The following VTCN1 variants were observed in gnomAD, a reference collection of about 807,000 sequenced individuals.
The protein encoded by VTCN1 is V-set domain containing T cell activation inhibitor 1.
A neutral mutation model predicts 26.5 loss-of-function variants in VTCN1; 26 were observed. That is an observed-to-expected ratio of 0.98 (90% CI 0.72 to 1.36). The LOEUF (loss-of-function observed/expected upper bound fraction) is 1.36. VTCN1 is among the 40% of genes most tolerant of loss of function. The pLI is 0.00. For missense variants in VTCN1, 298 were observed against 337.7 expected (o/e 0.88, Z 0.92); for synonymous variants, 116 against 130.7 (o/e 0.89, Z 0.77).
rs531666206 is a variant in VTCN1, at chr1:117,181,547, A to G, written c.33-11376T>C. On this transcript the variant is annotated intron_variant, in intron 1 of 5. Transcript: ENST00000369458. ...CAGGTAATGAGAAGCAGGCCCATCC[A>G]GAGCCTAGCTCAGCTCTGACCTGCC... is the stretch of plus-strand genomic sequence containing the variant. Among the ~76,000 whole-genome samples, 5 of 152,328 alleles carry G rather than the reference A, an allele frequency of 3.3e-5. No homozygotes were observed. The South Asian group carries it at 1.0e-3, about 32-fold the overall frequency.
chr1:117,189,910 C>CAGG (rs1557874829), intron 1 of VTCN1, among the ~76,000 whole-genome samples: 1 of 151,822 alleles, frequency 6.6e-6, no homozygotes, highest in East Asian at 1.9e-4. Flanking sequence ...AGCCCAAGAC[C>CAGG]AAGGTAGGCT....
In VTCN1 at chr1:117,153,356, C is replaced by A; in HGVS notation, c.459G>T (p.Pro153=). The change falls in exon 4 of 6, where the codon CCG becomes CCT. Residue 153 remains proline, a synonymous_variant. Coordinates refer to ENST00000369458, the MANE Select transcript of VTCN1 (RefSeq NM_024626.4). ...LEYKTGAFSM[P]EVNVDYNASS... ...TGGCATTATAGTCCACATTCACTTCCGGCATGCTGAAGGCTGCAGGGTCAA... is the reference window on the plus strand; with the variant it reads ...TGGCATTATAGTCCACATTCACTTCAGGCATGCTGAAGGCTGCAGGGTCAA... The A allele has an allele frequency of 6.2e-7, 1 of 1,607,402 alleles. No individual in the cohort carries two copies. Among genetic ancestry groups the A allele is most frequent in the East Asian group, 2.2e-5 (1 of 44,686 alleles).
intron 2 of VTCN1, among the ~76,000 whole-genome samples, chr1:117,168,439 A>C (rs1652723513): frequency 6.6e-6 from 1 of 152,238 alleles, no homozygotes; most frequent in Admixed American, 6.5e-5. Flanking sequence ...TAAATGTGAA[A>C]GACAAAACAA....
At chr1:117,149,158 C>CA (rs1253643534) in intron 4 of VTCN1, among the ~76,000 whole-genome samples, 1 of 152,084 alleles carries the variant, frequency 6.6e-6, no homozygotes. Flanking sequence ...GTGTTCTCCC[C>CA]AAAACCTATC....
chr1:117,185,798 T>G (rs1570975494), intron 1 of VTCN1, among the ~76,000 whole-genome samples: 1 of 152,134 alleles, frequency 6.6e-6, no homozygotes, highest in East Asian at 1.9e-4. Flanking sequence ...GTCAGAAAAT[T>G]TTTAAATCTA....
chr1:117,210,908 T>A lies in VTCN1; in HGVS notation c.-53A>T. On this transcript the variant is annotated 5_prime_UTR_variant, in exon 1 of 6. Coordinates refer to ENST00000369458, the MANE Select transcript of VTCN1 (RefSeq NM_024626.4). ...GGTACTGGCTGAGTGGAGCTGCCGC[T>A]GCCTTCCTTGGTGACTCACAACCAG... 1 of 1,602,818 alleles carries A rather than the reference T, an allele frequency of 6.2e-7. No individual in the cohort carries two copies. Among genetic ancestry groups the A allele is most frequent in the Middle Eastern group, 1.7e-4 (1 of 5,752 alleles).
intron 1 of VTCN1, among the ~76,000 whole-genome samples, chr1:117,205,155 T>TAGAG (rs564050992): frequency 1.8e-3 from 191 of 107,936 alleles, no homozygotes; most frequent in Admixed American, 7.3e-3. Context: ...TATATATATA[T>TAGAG]ATAGAGAGAG....
chr1:117,199,633 ATT>A (rs757979940), intron 1 of VTCN1, among the ~76,000 whole-genome samples: 24 of 134,712 alleles, frequency 1.8e-4, no homozygotes, highest in Non-Finnish European at 1.6e-4. Context: ...GCCACAAGGA[ATT>A]TTTTTTTTTT....
intron 2 of VTCN1, among the ~76,000 whole-genome samples, chr1:117,158,519 A>C (rs1652206474): frequency 6.6e-6 from 1 of 152,300 alleles, no homozygotes; most frequent in South Asian, 2.1e-4. Context: ...TGCACACAGC[A>C]TGGGGACCCT....
intron 2 of VTCN1, among the ~76,000 whole-genome samples, chr1:117,166,709 G>A (rs1011042762): frequency 4.7e-5 from 7 of 150,194 alleles, no homozygotes; most frequent in African/African-American, 1.7e-4. Flanking sequence ...TAGTGAGGAA[G>A]GTACCAAAAT....
At chr1:117,188,218 A>G (rs1018667850) in intron 1 of VTCN1, among the ~76,000 whole-genome samples, 1 of 152,212 alleles carries the variant, frequency 6.6e-6, no homozygotes, top group Non-Finnish European at 1.5e-5. Flanking sequence ...CAGATCAGAG[A>G]GCGAGAGAGA....
chr1:117,204,683 G>T lies in VTCN1; in HGVS notation c.32+6141C>A, dbSNP rs572971527. On this transcript the variant is annotated intron_variant, in intron 1 of 5. Transcript: ENST00000369458. ...AGATGGAGACCATCCTGGCTAACAC[G>T]GTGAAACCTCGTCTCTACTAAAAAT... 2.0e-5 allele frequency among the ~76,000 whole-genome samples: 3 copies of T among 152,000 alleles called. No homozygotes were observed. In the South Asian group the frequency reaches 6.2e-4, roughly 32 times the overall value.
rs1296118277 is a variant in VTCN1 at position 117,175,480 on chromosome 1, T to C, written c.33-5309A>G. Among the ~76,000 whole-genome samples, 1 of 152,224 alleles carries C rather than the reference T, an allele frequency of 6.6e-6. No homozygotes were observed. The highest frequency in any genetic ancestry group is 1.5e-5 in the Non-Finnish European group (1 of 68,040). On this transcript the variant is annotated intron_variant, in intron 1 of 5. Transcript: ENST00000369458. The surrounding 1 kb of genome is among the most constrained non-coding windows in gnomAD (Gnocchi z 4.2). The stretch of plus-strand genomic sequence containing the variant: ...CTGGAGAGGGAGCCCCGTGTGCAGA[T>C]GTTCATTCAAAAAAATTCTTTTTCA...
intron 2 of VTCN1, among the ~76,000 whole-genome samples, chr1:117,160,363 T>C: frequency 6.6e-6 from 1 of 152,216 alleles, no homozygotes; most frequent in South Asian, 2.1e-4. Flanking sequence ...TAACTGGACT[T>C]ATCAGCTTCT....
rs1650837771 is a variant in VTCN1, at chr1:117,160,426, C to A, written c.98-3505G>T. ...GCCTCCATCCAATCCATTTTACATG[C>A]ATTAATCCTACAGGTAGACCTTCTT... On this transcript the variant is annotated intron_variant, in intron 2 of 5. Coordinates refer to ENST00000369458, the MANE Select transcript of VTCN1 (RefSeq NM_024626.4). 2.6e-5 allele frequency among the ~76,000 whole-genome samples: 4 copies of A among 152,206 alleles called. No individual in the cohort carries two copies. In the East Asian group the frequency reaches 7.7e-4, roughly 29 times the overall value.
At chr1:117,192,030 C>T (rs971959311) in intron 1 of VTCN1, among the ~76,000 whole-genome samples, 5 of 144,110 alleles carry the variant, frequency 3.5e-5, no homozygotes, top group East Asian at 2.1e-4. Context: ...TATATATATA[C>T]ACATCCAAAT....
In VTCN1 at chr1:117,147,912, C is replaced by T; in HGVS notation, c.725-130G>A. The T allele has an allele frequency of 8.4e-7, 1 of 1,183,744 alleles. No individual in the cohort carries two copies. The highest frequency in any genetic ancestry group is 1.2e-6 in the Non-Finnish European group (1 of 850,888). 73.3% of individuals were successfully genotyped at this position (1,183,744 alleles called of 1,614,324 possible). A position where few individuals can be genotyped will look rare whatever the true frequency, so the allele number is the denominator to read the frequency against. ...TCCTAATTCAGGCAATTTTTTACCC[C>T]TTTGCCCACCTCTCCGTAACTGGCT... On this transcript the variant is annotated intron_variant, in intron 4 of 5. Coordinates refer to ENST00000369458, the MANE Select transcript of VTCN1 (RefSeq NM_024626.4). The surrounding 1 kb of genome is among the most constrained non-coding windows in gnomAD (Gnocchi z 4.6).
Position 117,205,413 on chromosome 1 carries a change from T to G in VTCN1, c.32+5411A>C, listed in dbSNP as rs534116925. On this transcript the variant is annotated intron_variant, in intron 1 of 5. Transcript: ENST00000369458. ...CCTGGACTCAAGTGATCCGCCTGCC[T>G]CAGCCTTCCAAAGTGCTGAGATTAC... is the stretch of plus-strand genomic sequence containing the variant. Among the ~76,000 whole-genome samples the G allele has an allele frequency of 2.6e-5, 4 of 152,246 alleles. No individual in the cohort carries two copies. In the East Asian group the frequency reaches 7.7e-4, roughly 29 times the overall value.
At position 117,173,629 on chromosome 1, in the gene VTCN1, C is replaced by A. The variant is rs1338692452; in HGVS notation, c.33-3458G>T. 2.0e-5 allele frequency among the ~76,000 whole-genome samples: 3 copies of A among 152,168 alleles called. No individual in the cohort carries two copies. In the East Asian group the frequency reaches 5.8e-4, roughly 29 times the overall value. ...TTACAACAGCACTAGCAAACTAATA[C>A]AAAAAGGTTGTTTCAGGATCAAATT... On this transcript the variant is annotated intron_variant, in intron 1 of 5. Coordinates refer to ENST00000369458, the MANE Select transcript of VTCN1 (RefSeq NM_024626.4).
Sources: gnomAD v4.1 joint callset for allele counts (sites outside exome capture counted in the v4.1 genomes callset) on GRCh38, gnomAD v4.1.1 for gene constraint, Gnocchi (gnomAD v3.1) non-coding constraint, MANE v1.5 for transcripts, NCBI Gene and HGNC (gene_info 2026-07-23, HGNC 2026-07-21) for gene names.